The following RGS11 variants were observed in gnomAD, a reference collection of about 807,000 sequenced individuals.
The protein encoded by RGS11 is regulator of G-protein signaling 11.
A neutral mutation model predicts 71.1 loss-of-function variants in RGS11; 86 were observed. The ratio of observed to expected loss-of-function variants is 1.21; its 90% CI spans 1.02 to 1.45. The LOEUF is 1.45. Among genes scored for constraint, RGS11 ranks in the 40% most tolerant of loss-of-function variants. The pLI is 0.00. For synonymous variants in RGS11, 298 were observed against 254.2 expected, an observed-to-expected ratio of 1.17 and a Z score of -1.64; for missense variants, 734 against 635.1, an observed-to-expected ratio of 1.16 and a Z score of -1.67.
chr16:271,384 C>A lies in RGS11; in HGVS notation c.749+15G>T. The A allele has an allele frequency of 6.2e-7, 1 of 1,613,486 alleles. No individual in the cohort carries two copies. ...TCAGCAGGGGTCTCCAGCTGCCACC[C>A]CTCACCCCACTCACGCCTCAAGGCA... On this transcript the variant is annotated intron_variant, in intron 11 of 16. Transcript: ENST00000397770.
chr16:275,761 GCGCCC>G, intron 1 of RGS11, 83 bp downstream of exon 1: 1 of 240,192 alleles, frequency 4.2e-6, no homozygotes, highest in Non-Finnish European at 5.5e-6. Context: ...CCCGCCCCGC[GCGCCC>G]CCGTGTCCCC....
chr16:269,441 C>G (rs2051814328), intron 16 of RGS11, 58 bp from the exon 17 acceptor site: 1 of 1,590,332 alleles, frequency 6.3e-7, no homozygotes, highest in Non-Finnish European at 8.6e-7. Flanking sequence ...GCCCACCTCA[C>G]TGCAGGGCCC....
intron 9 of RGS11, chr16:272,284 T>C: frequency 8.0e-7 from 1 of 1,257,206 alleles, no homozygotes; most frequent in Non-Finnish European, 1.0e-6. Context: ...GCGGACGCGC[T>C]GCGAGTCCTG....
At position 268,422 on chromosome 16, in the gene RGS11, T is replaced by C; in HGVS notation, c.*847A>G. ...TGGCACCGCCCTACCGCCGAGAGAG[T>C]TGAAGCTGCACCCCCGAAAGGAGCC... On this transcript the variant is annotated 3_prime_UTR_variant, in exon 17 of 17. Coordinates refer to ENST00000397770, the MANE Select transcript of RGS11 (RefSeq NM_183337.3). 3.3e-6 allele frequency: 1 copy of C among 301,570 alleles called. No individual in the cohort carries two copies. Among genetic ancestry groups the C allele is most frequent in the Non-Finnish European group, 6.3e-6 (1 of 158,408 alleles). The allele number at this position is 301,570 out of a possible 1,614,324, so 18.7% of individuals were successfully genotyped here.
At position 269,603 on chromosome 16, in the gene RGS11, C is replaced by T. The variant is rs369771666; in HGVS notation, c.1207-18G>A. Reference sequence around the variant, plus strand: ...TAGGAGTCCTACAAGAGACAGCGTCCAGCCCCTGACCCTTCTGCCTCCTCA... The same window carrying T: ...TAGGAGTCCTACAAGAGACAGCGTCTAGCCCCTGACCCTTCTGCCTCCTCA... On this transcript the variant is annotated intron_variant, in intron 15 of 16. Coordinates refer to ENST00000397770, the MANE Select transcript of RGS11 (RefSeq NM_183337.3). 5.3e-5 allele frequency: 85 copies of T among 1,594,618 alleles called. No homozygotes were observed. Among genetic ancestry groups the T allele is most frequent in the Non-Finnish European group, 7.0e-5 (82 of 1,163,376 alleles).
rs748513034 is a variant in RGS11 at position 274,234 on chromosome 16, G to A, written c.350C>T (p.Pro117Leu). 1.7e-5 allele frequency: 27 copies of A among 1,610,952 alleles called. No individual in the cohort carries two copies. In the African/African-American group the frequency reaches 1.9e-4, roughly 11 times the overall value. Residue 117 changes from proline to leucine, a missense_variant, in exon 5 of 17, where the codon CCG becomes CTG. Coordinates refer to ENST00000397770, the MANE Select transcript of RGS11 (RefSeq NM_183337.3). ...TPYFWTSTLR[P>L]AAELDYAIYL... ...CTCACCATAGTCCAGCTCTGCAGCCGGCCTCAGGGTACTTGTCCAGAAGTA... is the reference window on the plus strand; with the variant it reads ...CTCACCATAGTCCAGCTCTGCAGCCAGCCTCAGGGTACTTGTCCAGAAGTA...
At chr16:275,648 G>C in intron 1 of RGS11, 150 bp from the exon 2 acceptor site, 1 of 127,096 alleles carries the variant, frequency 7.9e-6, no homozygotes, top group Non-Finnish European at 1.4e-5. Context: ...GACGCGGGGC[G>C]GGCCGGGGAG....
At position 272,566 on chromosome 16, in the gene RGS11, C is replaced by T. The variant is rs1303508876; in HGVS notation, c.657+297G>A. 9 of 1,457,976 alleles carry T rather than the reference C, an allele frequency of 6.2e-6. No individual in the cohort carries two copies. The African/African-American group carries it at 1.1e-4, about 18-fold the overall frequency. 90.3% of individuals were successfully genotyped at this position (1,457,976 alleles called of 1,614,324 possible). On this transcript the variant is annotated intron_variant, in intron 9 of 16. Transcript: ENST00000397770. ...CCCTGCTTGTCACCCCTCCAATTCC[C>T]AGCAAACCCTGATACTGTTCTGGAG...
rs199616443 is a variant in RGS11, at chr16:271,103, G to C, written c.864-4C>G. On this transcript the variant is annotated splice_region_variant and splice_polypyrimidine_tract_variant and intron_variant, in intron 12 of 16. Transcript: ENST00000397770. ...GAGCTTCGTGGGGGCAGCCACCCTG[G>C]GGAGAGGGCAGGGCTGTTGGGGAGG... 3.7e-6 allele frequency: 6 copies of C among 1,610,980 alleles called. No homozygotes were observed. In the African/African-American group the frequency reaches 5.3e-5, roughly 14 times the overall value.
intron 15 of RGS11, 72 bp downstream of exon 15, chr16:270,451 C>T: frequency 6.7e-7 from 1 of 1,494,618 alleles, no homozygotes; most frequent in Non-Finnish European, 9.0e-7. Flanking sequence ...CGGACAGAGC[C>T]CTTGAGGGTG....
chr16:269,035 G>C lies in RGS11; in HGVS notation c.*234C>G, dbSNP rs2051795279. 8.1e-7 allele frequency: 1 copy of C among 1,235,836 alleles called. No individual in the cohort carries two copies. The highest frequency in any genetic ancestry group is 2.5e-5 in the East Asian group (1 of 39,518). The allele number at this position is 1,235,836 out of a possible 1,614,324, so 76.6% of individuals were successfully genotyped here. A position where few individuals can be genotyped will look rare whatever the true frequency, so the allele number is the denominator to read the frequency against. On this transcript the variant is annotated 3_prime_UTR_variant, in exon 17 of 17. Transcript: ENST00000397770. Reference sequence around the variant, plus strand: ...CAGGCTCTGCCCTGACCCAAGCTGAGCCAATGAACCCCCTCCCTGGGAATC... The same window carrying C: ...CAGGCTCTGCCCTGACCCAAGCTGACCCAATGAACCCCCTCCCTGGGAATC...
chr16:269,651 A>C (rs2051826566), intron 15 of RGS11, 66 bp from the exon 16 acceptor site: 3 of 1,268,744 alleles, frequency 2.4e-6, no homozygotes, highest in Non-Finnish European at 3.4e-6. Flanking sequence ...CTCCACCCGA[A>C]GGAGCAGCCA....
chr16:271,154 C>T, intron 12 of RGS11, 48 bp downstream of exon 12: 1 of 1,606,896 alleles, frequency 6.2e-7, no homozygotes, highest in African/African-American at 1.3e-5. Flanking sequence ...CCTGCGTCCC[C>T]CCAGGCTGGG....
At position 270,836 on chromosome 16, in the gene RGS11, G is replaced by T. The variant is rs1186239077; in HGVS notation, c.980-5C>A. ...CCCAGAAGCTGAGGTTTTCTCCTGGGGGGCCGGGCACCCAGTCAAGGATCC... is the reference window on the plus strand; with the variant it reads ...CCCAGAAGCTGAGGTTTTCTCCTGGTGGGCCGGGCACCCAGTCAAGGATCC... On this transcript the variant is annotated splice_region_variant and splice_polypyrimidine_tract_variant and intron_variant, in intron 13 of 16. Transcript: ENST00000397770. 1 of 1,609,622 alleles carries T rather than the reference G, an allele frequency of 6.2e-7. No homozygotes were observed. Among genetic ancestry groups the T allele is most frequent in the East Asian group, 2.2e-5 (1 of 44,686 alleles).
At position 272,413 on chromosome 16, in the gene RGS11, A is replaced by G. The variant is rs1308323178; in HGVS notation, c.657+450T>C. 6 of 1,296,698 alleles carry G rather than the reference A, an allele frequency of 4.6e-6. No homozygotes were observed. In the African/African-American group the frequency reaches 9.1e-5, roughly 20 times the overall value. The allele number at this position is 1,296,698 out of a possible 1,614,324, so 80.3% of individuals were successfully genotyped here. A position where few individuals can be genotyped will look rare whatever the true frequency, so the allele number is the denominator to read the frequency against. On this transcript the variant is annotated intron_variant, in intron 9 of 16. Transcript: ENST00000397770. ...TTTCCAGATGTTGGGTCTGGATGGGACTGGTTTGAACAAAGGGTTTTGCTG... is the reference window on the plus strand; with the variant it reads ...TTTCCAGATGTTGGGTCTGGATGGGGCTGGTTTGAACAAAGGGTTTTGCTG...
chr16:271,173 C>T (rs201554940), intron 12 of RGS11, 29 bp downstream of exon 12: 47 of 1,608,328 alleles, frequency 2.9e-5, no homozygotes, highest in South Asian at 8.8e-5. Context: ...GGAGCACACC[C>T]GCAGTCCCGC....
chr16:272,875 G>A lies in RGS11; in HGVS notation c.645C>T (p.Ser215=). The stretch of plus-strand genomic sequence containing the variant: ...CGCAGGGGCTCACCATGAGCACACG[G>A]CTGGCAGCGCAGGATCCCCGCCCTG... ...QGPGRGSCAA[S]RVLMTKSADF... The change falls in exon 9 of 17, where the codon AGC becomes AGT. Residue 215 remains serine (S), a synonymous_variant. Transcript: ENST00000397770. 6.5e-7 allele frequency: 1 copy of A among 1,541,114 alleles called. No homozygotes were observed. The highest frequency in any genetic ancestry group is 1.2e-5 in the South Asian group (1 of 83,458).
rs141361452 is a variant in RGS11, at chr16:270,585, G to A, written c.1144C>T (p.Arg382Cys). The A allele has an allele frequency of 2.9e-4, 463 of 1,608,096 alleles. 3 individuals are homozygous for A. In the African/African-American group the frequency reaches 4.6e-3, roughly 16 times the overall value. The change falls in exon 15 of 17, where the codon CGC becomes TGC. Residue 382 changes from arginine (R) to cysteine (C), a missense_variant. By Grantham distance (180) the Arg-to-Cys change is radical (BLOSUM62 -3). Coordinates refer to ENST00000397770, the MANE Select transcript of RGS11 (RefSeq NM_183337.3). ...TCCAGGACATAGCGGTGGGGCTGGC[G>A]CAGCCCCTCCAGGGTCTGCTCCATG... ...RTMEQTLEGL[R>C]QPHRYVLDDA... is the part of the protein sequence containing the mutation.
chr16:273,436 C>T, intron 8 of RGS11, 39 bp downstream of exon 8: 1 of 1,488,150 alleles, frequency 6.7e-7, no homozygotes, highest in Non-Finnish European at 9.1e-7. Context: ...GACCCCTGCG[C>T]TGGCCAGCGA....
Sources: gnomAD v4.1 joint callset for allele counts on GRCh38, gnomAD v4.1.1 for gene constraint, MANE v1.5 for transcripts, NCBI Gene and HGNC (gene_info 2026-07-23, HGNC 2026-07-21) for gene names.